The following LCORL variants were observed in gnomAD, a reference collection of about 807,000 sequenced individuals.
LCORL encodes ligand dependent nuclear receptor corepressor like, also known as ligand-dependent nuclear receptor corepressor-like protein.
Under a neutral mutation model 141.8 loss-of-function variants are expected in LCORL, and 41 were observed. The ratio of observed to expected loss-of-function variants is 0.29; its 90% CI spans 0.23 to 0.38. The LOEUF (loss-of-function observed/expected upper bound fraction) is 0.38. Among genes scored for constraint, LCORL ranks in the 10% least tolerant of loss-of-function variants. LCORL has a pLI of 1.00. For missense variants in LCORL, 1,759 were observed against 2,035.0 expected (o/e 0.86, Z 2.61); for synonymous variants, 618 against 694.1 (o/e 0.89, Z 1.72).
At chr4:17,943,458 T>C (rs1407830435) in intron 4 of LCORL, among the ~76,000 whole-genome samples, 1 of 152,162 alleles carries the variant, frequency 6.6e-6, no homozygotes, top group Non-Finnish European at 1.5e-5. Flanking sequence ...TCACACCTTA[T>C]ACCAAAAGTT....
chr4:17,964,490 A>C (rs768259041), intron 2 of LCORL, among the ~76,000 whole-genome samples: 2 of 152,168 alleles, frequency 1.3e-5, no homozygotes, highest in Non-Finnish European at 2.9e-5. Context: ...TAATAAGGTC[A>C]GTTTGCAGAA....
At chr4:17,988,435 A>G (rs1577653431) in intron 1 of LCORL, among the ~76,000 whole-genome samples, 1 of 151,684 alleles carries the variant, frequency 6.6e-6, no homozygotes, top group Non-Finnish European at 1.5e-5. Context: ...TGCCTGGCTT[A>G]TTTTTTTATT....
chr4:17,910,445 A>G (rs1732344145), intron 4 of LCORL, among the ~76,000 whole-genome samples: 1 of 152,080 alleles, frequency 6.6e-6, no homozygotes, highest in Admixed American at 6.5e-5. Flanking sequence ...CTAGTTCTCT[A>G]CTCCTTAAAT....
chr4:17,917,656 G>A (rs1484203943), intron 4 of LCORL, among the ~76,000 whole-genome samples: 2 of 152,196 alleles, frequency 1.3e-5, no homozygotes, highest in East Asian at 1.9e-4. Flanking sequence ...AAACAGCTAG[G>A]AAAATATACT....
At chr4:17,883,040 A>C in intron 6 of LCORL, 1 of 978,490 alleles carries the variant, frequency 1.0e-6, no homozygotes, top group Non-Finnish European at 1.2e-6. Flanking sequence ...AGTTTTTTTA[A>C]AGTATATACC....
intron 4 of LCORL, among the ~76,000 whole-genome samples, chr4:17,955,807 G>A (rs975273003): frequency 5.9e-5 from 9 of 152,164 alleles, no homozygotes; most frequent in Middle Eastern, 3.4e-3. Flanking sequence ...AGAGGAAAGG[G>A]AGTTAAGATC....
intron 6 of LCORL, chr4:17,881,510 A>G (rs1340470708): frequency 4.6e-6 from 4 of 868,286 alleles, no homozygotes; most frequent in Non-Finnish European, 5.5e-6. Flanking sequence ...AATAAATAAT[A>G]CAAGTACTAA....
intron 6 of LCORL, among the ~76,000 whole-genome samples, chr4:17,878,462 A>G (rs927395798): frequency 1.3e-5 from 2 of 151,310 alleles, no homozygotes; most frequent in African/African-American, 4.8e-5. Flanking sequence ...ATGATTATAC[A>G]TATGATTACA....
chr4:17,943,375 T>A (rs1472217583), intron 4 of LCORL, among the ~76,000 whole-genome samples: 1 of 152,184 alleles, frequency 6.6e-6, no homozygotes, highest in African/African-American at 2.4e-5. Flanking sequence ...CATTAATAAT[T>A]GAGCAATAAA....
At chr4:17,888,314 A>G (rs1353076142) in intron 5 of LCORL, among the ~76,000 whole-genome samples, 2 of 152,116 alleles carry the variant, frequency 1.3e-5, no homozygotes, top group African/African-American at 2.4e-5. Flanking sequence ...ATCTCGAAAA[A>G]TTATTAAATA....
chr4:18,000,073 C>T (rs1721667047), intron 1 of LCORL, among the ~76,000 whole-genome samples: 1 of 149,920 alleles, frequency 6.7e-6, no homozygotes, highest in East Asian at 2.0e-4. Flanking sequence ...CCGAACAAAA[C>T]AAAGACAGAG....
At chr4:17,883,679 C>CAA (rs1179296170) in intron 6 of LCORL, 1 of 1,478,982 alleles carries the variant, frequency 6.8e-7, no homozygotes, top group Admixed American at 2.4e-5. Flanking sequence ...CGCAAACACA[C>CAA]ACACACACAC....
At chr4:17,966,060 T>TTTTCATTTTG (rs1317198635) in intron 2 of LCORL, among the ~76,000 whole-genome samples, 2 of 152,148 alleles carry the variant, frequency 1.3e-5, no homozygotes, top group Admixed American at 6.6e-5. Context: ...AACTAAAAAC[T>TTTTCATTTTG]GATTTTTCAT....
intron 4 of LCORL, among the ~76,000 whole-genome samples, chr4:17,916,466 A>G (rs956662379): frequency 5.9e-5 from 9 of 151,936 alleles, no homozygotes; most frequent in African/African-American, 1.9e-4. Flanking sequence ...TGGTTGTTTA[A>G]AAGTCTGGGA....
At chr4:17,918,905 T>G (rs1291434339) in intron 4 of LCORL, among the ~76,000 whole-genome samples, 2 of 152,074 alleles carry the variant, frequency 1.3e-5, no homozygotes, top group Non-Finnish European at 2.9e-5. Context: ...AGATGCATCC[T>G]AATCAAACCA....
chr4:17,917,232 T>C (rs2109357811), intron 4 of LCORL, among the ~76,000 whole-genome samples: 1 of 150,142 alleles, frequency 6.7e-6, no homozygotes, highest in Admixed American at 6.6e-5. Flanking sequence ...AGGAGCCTCG[T>C]TCTGTCACCC....
chr4:17,842,627 T>C (rs16895873), exon 8 of LCORL: 46,789 of 374,408 alleles, frequency 0.12, 3,387 homozygotes, highest in South Asian at 0.22. Flanking sequence ...GTTTCAATTT[T>C]TAATTACATG....
rs941385507 is a variant in LCORL at position 17,877,774 on chromosome 4, T to C, written c.1216A>G (p.Ile406Val). The change falls in exon 7 of 8, where the codon ATT (isoleucine) becomes GTT (valine). Residue 406 changes from isoleucine (I) to valine (V), a missense_variant. This residue lies in a region of LCORL where 1,311 missense variants were observed against 1,531.3 expected (regional missense o/e 0.86). Coordinates refer to ENST00000635767, the Ensembl canonical transcript of LCORL. ...CGAAAGGCTGATTTTGTAGAGTGAA[T>C]GTTTGGTAACAGTCCAGAACAGCAC... The C allele has an allele frequency of 2.9e-5, 36 of 1,230,598 alleles. No homozygotes were observed. The Admixed American group carries it at 5.9e-4, about 20-fold the overall frequency. 76.2% of individuals were successfully genotyped at this position (1,230,598 alleles called of 1,614,324 possible). A position where few individuals can be genotyped will look rare whatever the true frequency, so the allele number is the denominator to read the frequency against.
intron 4 of LCORL, among the ~76,000 whole-genome samples, chr4:17,959,362 T>A (rs771834156): frequency 1.6e-4 from 25 of 152,204 alleles, no homozygotes; most frequent in Non-Finnish European, 2.9e-4. Context: ...CACAGAACAC[T>A]GTTCATTTTT....
Sources: gnomAD v4.1 joint callset for allele counts (sites outside exome capture counted in the v4.1 genomes callset) on GRCh38, gnomAD v4.1.1 for gene constraint, gnomAD v4.1.1 regional missense constraint, MANE v1.5 for transcripts, NCBI Gene and HGNC (gene_info 2026-07-23, HGNC 2026-07-21) for gene names.